TAF3: variants seen among roughly 807,000 people sequenced by gnomAD.
TAF3 encodes the protein TATA-box binding protein associated factor 3.
TAF3 carries 7 observed loss-of-function variants against 80.6 expected under a neutral mutation model. The ratio of observed to expected loss-of-function variants is 0.09; its 90% CI spans 0.05 to 0.16. The LOEUF is 0.16. Among genes scored for constraint, TAF3 ranks in the 10% least tolerant of loss-of-function variants. The pLI is 1.00. For missense variants in TAF3, 921 were observed against 1,140.2 expected, an observed-to-expected ratio of 0.81 and a Z score of 2.77; for synonymous variants, 444 against 446.1, an observed-to-expected ratio of 1.00 and a Z score of 0.06.
intron 2 of TAF3, among the ~76,000 whole-genome samples, chr10:7,893,603 C>G (rs1030983150): frequency 3.9e-5 from 6 of 152,086 alleles, no homozygotes; most frequent in Non-Finnish European, 8.8e-5. Context: ...TTTGTCCCAT[C>G]TTTTTCACTC....
chr10:7,924,877 A>G (rs553705029), intron 2 of TAF3, among the ~76,000 whole-genome samples: 28 of 152,242 alleles, frequency 1.8e-4, no homozygotes, highest in African/African-American at 6.3e-4. Flanking sequence ...TCTCACTTAA[A>G]ACGTAAGTTG....
At chr10:7,864,181 TAAC>T (rs1410924016) in intron 2 of TAF3, among the ~76,000 whole-genome samples, 2 of 152,230 alleles carry the variant, frequency 1.3e-5, no homozygotes, top group Admixed American at 6.5e-5. Flanking sequence ...CCTGCCATTA[TAAC>T]ATCATACAGA....
intron 2 of TAF3, among the ~76,000 whole-genome samples, chr10:7,843,334 C>G (rs1308245218): frequency 6.6e-6 from 1 of 151,092 alleles, no homozygotes; most frequent in African/African-American, 2.4e-5. Context: ...GTCTTGAACT[C>G]CTGGGCTCAA....
intron 2 of TAF3, among the ~76,000 whole-genome samples, chr10:7,846,597 T>C (rs1244487): frequency 0.19 from 27,305 of 146,176 alleles, 2,534 homozygotes; most frequent in South Asian, 0.29. Flanking sequence ...ATGATTTTTA[T>C]TCTTTCCTAG....
intron 4 of TAF3, among the ~76,000 whole-genome samples, chr10:8,008,151 C>T (rs1832015417): frequency 7.1e-6 from 1 of 140,298 alleles, no homozygotes; most frequent in East Asian, 2.1e-4. Context: ...AGCTAGAGTG[C>T]AGTGGCGAGA....
At chr10:7,960,648 C>T (rs551445185) in intron 2 of TAF3, among the ~76,000 whole-genome samples, 7 of 152,268 alleles carry the variant, frequency 4.6e-5, no homozygotes, top group East Asian at 3.9e-4. Flanking sequence ...GGGTAGAGCA[C>T]GCAGGGGCTC....
intron 2 of TAF3, among the ~76,000 whole-genome samples, chr10:7,840,817 T>C (rs7908263): frequency 7.9e-4 from 121 of 152,280 alleles, no homozygotes; most frequent in African/African-American, 2.8e-3. Context: ...TACAGCCACA[T>C]AGAACTTTGC....
intron 2 of TAF3, among the ~76,000 whole-genome samples, chr10:7,851,662 G>C (rs1049175217): frequency 4.6e-5 from 7 of 152,130 alleles, no homozygotes; most frequent in African/African-American, 1.7e-4. Context: ...TTGGCTTGAT[G>C]AAAAGCCCTG....
Position 7,964,158 on chromosome 10 carries a change from C to T in TAF3, c.648C>T (p.Leu216=). The change falls in exon 3 of 7, where the codon CTC becomes CTT. Residue 216 remains leucine, a synonymous_variant. Transcript: ENST00000344293. The surrounding 1 kb of genome is among the most constrained non-coding windows in gnomAD (Gnocchi z 4.1). ...DVVLLEAREP[L]SSINTQKIPP... is the part of the protein sequence containing the mutation. The stretch of plus-strand genomic sequence containing the variant: ...TGTTATTGGAAGCTCGAGAGCCACT[C>T]AGCTCAATAAATACTCAAAAGATCC... 2 of 1,614,162 alleles carry T rather than the reference C, an allele frequency of 1.2e-6. No individual in the cohort carries two copies.
At chr10:7,835,864 G>C (rs1836847312) in intron 2 of TAF3, among the ~76,000 whole-genome samples, 1 of 152,054 alleles carries the variant, frequency 6.6e-6, no homozygotes, top group Admixed American at 6.5e-5. Flanking sequence ...GGCACTGATG[G>C]GTGTACTCTG....
chr10:7,966,844 T>C (rs891227990), intron 3 of TAF3, among the ~76,000 whole-genome samples: 2 of 152,224 alleles, frequency 1.3e-5, no homozygotes, highest in African/African-American at 4.8e-5. Context: ...TGTTCTTTGT[T>C]CTCTTTGGCT....
At chr10:7,989,186 C>G (rs1831809492) in intron 4 of TAF3, among the ~76,000 whole-genome samples, 2 of 152,148 alleles carry the variant, frequency 1.3e-5, no homozygotes, top group African/African-American at 4.8e-5. Context: ...CCAGCCTGAA[C>G]CAATCACTGT....
chr10:7,909,907 A>T (rs1410117942), intron 2 of TAF3, among the ~76,000 whole-genome samples: 1 of 152,170 alleles, frequency 6.6e-6, no homozygotes, highest in East Asian at 1.9e-4. Flanking sequence ...GCAGATACCC[A>T]GCTCCACGAC....
At chr10:8,014,112 C>T (rs2131444302) in intron 6 of TAF3, among the ~76,000 whole-genome samples, 1 of 152,256 alleles carries the variant, frequency 6.6e-6, no homozygotes, top group African/African-American at 2.4e-5. Context: ...GATCCAGGGG[C>T]TTCCCTGGCC....
At chr10:7,847,845 G>T (rs953269444) in intron 2 of TAF3, among the ~76,000 whole-genome samples, 2 of 152,096 alleles carry the variant, frequency 1.3e-5, no homozygotes, top group African/African-American at 4.8e-5. Context: ...TGGGCCCACC[G>T]CAACCTCCAC....
intron 2 of TAF3, among the ~76,000 whole-genome samples, chr10:7,887,675 T>C (rs1201575024): frequency 6.6e-6 from 1 of 152,126 alleles, no homozygotes; most frequent in Non-Finnish European, 1.5e-5. Flanking sequence ...TGCTGAATCA[T>C]CTGAAGTCTG....
chr10:7,938,572 G>T (rs1053815280), intron 2 of TAF3, among the ~76,000 whole-genome samples: 1 of 152,114 alleles, frequency 6.6e-6, no homozygotes, highest in Non-Finnish European at 1.5e-5. Context: ...AAAAGAAAAC[G>T]TGAGCCTCCT....
intron 2 of TAF3, among the ~76,000 whole-genome samples, chr10:7,828,908 T>G (rs1836769990): frequency 7.6e-6 from 1 of 132,102 alleles, no homozygotes; most frequent in African/African-American, 2.8e-5. Context: ...GTGGTGCCTG[T>G]AGTCCCAGCT....
intron 2 of TAF3, among the ~76,000 whole-genome samples, chr10:7,892,818 CTTTTTTT>C (rs1020623158): frequency 5.1e-5 from 7 of 137,154 alleles, no homozygotes; most frequent in South Asian, 2.3e-4. Flanking sequence ...TTTTCTTTTT[CTTTTTTT>C]TTTTTTTTTG....
Sources: allele counts gnomAD v4.1 joint callset (sites outside exome capture counted in the v4.1 genomes callset), GRCh38; gene constraint gnomAD v4.1.1; non-coding constraint Gnocchi (gnomAD v3.1); transcripts MANE v1.5; gene names NCBI Gene and HGNC (gene_info 2026-07-23, HGNC 2026-07-21).